SOD2: variants seen among roughly 807,000 people sequenced by gnomAD.
The protein encoded by SOD2 is superoxide dismutase [Mn], mitochondrial.
In SOD2, 11 loss-of-function variants were observed where a neutral mutation model predicts 27.0. The ratio of observed to expected loss-of-function variants is 0.41; its 90% CI spans 0.26 to 0.67. The LOEUF (loss-of-function observed/expected upper bound fraction) is 0.67, where lower values mean the gene tolerates loss of function less well. Among genes scored for constraint, SOD2 ranks in the 30% least tolerant of loss-of-function variants. The pLI is 0.34. For missense variants in SOD2, 250 were observed against 274.5 expected, an observed-to-expected ratio of 0.91 and a Z score of 0.63; for synonymous variants, 105 against 103.0, an observed-to-expected ratio of 1.02 and a Z score of -0.12.
intron 1 of SOD2, among the ~76,000 whole-genome samples, chr6:159,717,262 CTATCTT>C (rs1777937552): frequency 6.6e-6 from 1 of 152,090 alleles, no homozygotes; most frequent in Non-Finnish European, 1.5e-5. Flanking sequence ...AAACCTAACT[CTATCTT>C]TATTTTTTTA....
chr6:159,671,868 T>G lies in SOD2; in HGVS notation c.*10625A>C, dbSNP rs936066572. On this transcript the variant is annotated 3_prime_UTR_variant, in exon 5 of 5. Transcript: ENST00000538183. ...AAAAAAGATTAGACAAATGGCTAAC[T>G]AGAATAACCAGCATAGAGAAGTCCT... The G allele has an allele frequency of 1.3e-5, 2 of 152,198 alleles. No homozygotes were observed. The highest frequency in any genetic ancestry group is 4.8e-5 in the African/African-American group (2 of 41,452). The allele number at this position is 152,198 out of a possible 1,614,324, so 9.4% of individuals were successfully genotyped here.
At chr6:159,710,736 A>ACCT (rs1562436336) in intron 1 of SOD2, among the ~76,000 whole-genome samples, 3 of 150,326 alleles carry the variant, frequency 2.0e-5, no homozygotes, top group Non-Finnish European at 3.0e-5. Flanking sequence ...CACTGCTCTG[A>ACCT]CCACCATAAC....
Position 159,677,125 on chromosome 6 carries a change from T to C in SOD2, c.*5368A>G, listed in dbSNP as rs1779796101. On this transcript the variant is annotated 3_prime_UTR_variant, in exon 5 of 5. Coordinates refer to ENST00000538183, the MANE Select transcript of SOD2 (RefSeq NM_000636.4). ...GACGCACAAATGAACAAGAACCTCA[T>C]GTCCTGGGACTTCATGGAGCACAAA... The C allele has an allele frequency of 1.3e-5, 2 of 152,190 alleles. No individual in the cohort carries two copies. Among genetic ancestry groups the C allele is most frequent in the Non-Finnish European group, 2.9e-5 (2 of 68,030 alleles). The allele number at this position is 152,190 out of a possible 1,614,324, so 9.4% of individuals were successfully genotyped here. A position where few individuals can be genotyped will look rare whatever the true frequency, so the allele number is the denominator to read the frequency against.
At chr6:159,727,281 G>A (rs1343060339) in exon 1 of SOD2, 2 of 1,280,480 alleles carry the variant, frequency 1.6e-6, no homozygotes, top group Non-Finnish European at 1.0e-6. Context: ...CTCTCCTGGC[G>A]GGGTTCGGCG....
At chr6:159,701,155 C>A (rs1777516737) in intron 1 of SOD2, among the ~76,000 whole-genome samples, 1 of 152,138 alleles carries the variant, frequency 6.6e-6, no homozygotes, top group East Asian at 1.9e-4. Flanking sequence ...ATTTGAGAAA[C>A]CATGGTTAGC....
upstream of SOD2, chr6:159,727,649 A>G (rs1304686417): frequency 1.0e-6 from 1 of 985,736 alleles, no homozygotes; most frequent in African/African-American, 1.8e-5. Flanking sequence ...CAGGGCAAGC[A>G]GCGCGGCCTC....
At chr6:159,753,706 A>G (rs1461555226) in intron 1 of SOD2, 7 of 1,443,194 alleles carry the variant, frequency 4.9e-6, no homozygotes, top group African/African-American at 1.4e-5. Flanking sequence ...TAGATTCTGT[A>G]CATTGTTAAC....
chr6:159,757,574 G>A (rs1052987407), intron 1 of SOD2, among the ~76,000 whole-genome samples: 2 of 151,796 alleles, frequency 1.3e-5, no homozygotes, highest in Non-Finnish European at 2.9e-5. Context: ...CACCATGCCC[G>A]GCTTATTTTT....
rs1378740688 is a variant in SOD2, at chr6:159,675,586, C to T, written c.*6907G>A. On this transcript the variant is annotated 3_prime_UTR_variant, in exon 5 of 5. Transcript: ENST00000538183. ...CTGGATCCCTTCCTTACACCTTATACAAAAATTAATTCAAGATGGATTAAA... is the reference window on the plus strand; with the variant it reads ...CTGGATCCCTTCCTTACACCTTATATAAAAATTAATTCAAGATGGATTAAA... 2 of 152,126 alleles carry T rather than the reference C, an allele frequency of 1.3e-5. No individual in the cohort carries two copies. Among genetic ancestry groups the T allele is most frequent in the Non-Finnish European group, 2.9e-5 (2 of 68,026 alleles). The allele number at this position is 152,126 out of a possible 1,614,324, so 9.4% of individuals were successfully genotyped here.
At chr6:159,726,771 G>C in intron 1 of SOD2, 1 of 1,288,964 alleles carries the variant, frequency 7.8e-7, no homozygotes, top group Non-Finnish European at 1.0e-6. Context: ...ATGTCAAGGA[G>C]GAACGAACCC....
rs183695903 is a variant in SOD2 at position 159,669,736 on chromosome 6, C to A, written c.*12757G>T. ...TGACTTTTCTTTTTACAGTTTTTGA[C>A]TTAAAGTCTATTTTATCTCATGTAA... On this transcript the variant is annotated 3_prime_UTR_variant, in exon 5 of 5. Coordinates refer to ENST00000538183, the MANE Select transcript of SOD2 (RefSeq NM_000636.4). The A allele has an allele frequency of 3.9e-5, 6 of 152,282 alleles. No individual in the cohort carries two copies. Among genetic ancestry groups the A allele is most frequent in the Admixed American group, 6.5e-5 (1 of 15,290 alleles). 9.4% of individuals were successfully genotyped at this position (152,282 alleles called of 1,614,324 possible). A position where few individuals can be genotyped will look rare whatever the true frequency, so the allele number is the denominator to read the frequency against.
chr6:159,724,071 C>T (rs1778092524), intron 1 of SOD2, among the ~76,000 whole-genome samples: 1 of 152,280 alleles, frequency 6.6e-6, no homozygotes, highest in Admixed American at 6.5e-5. Flanking sequence ...CTCAATACTA[C>T]AGACTTTTTT....
At position 159,682,635 on chromosome 6, in the gene SOD2, A is replaced by C; in HGVS notation, c.527T>G (p.Leu176Arg). Residue 176 changes from leucine (L) to arginine (R), a missense_variant, in exon 5 of 5, where the codon CTT (leucine) becomes CGT (arginine). Coordinates refer to ENST00000538183, the MANE Select transcript of SOD2 (RefSeq NM_000636.4). The part of the protein sequence containing the change: ...NQDPLQGTTG[L>R]IPLLGIDVWE... ...CACATCAATCCCCAGCAGTGGAATA[A>C]GGCCTGTTAGAAAGAAGGGGAAAAC... is the stretch of plus-strand genomic sequence containing the variant. 1 of 1,605,262 alleles carries C rather than the reference A, an allele frequency of 6.2e-7. No homozygotes were observed. Among genetic ancestry groups the C allele is most frequent in the Non-Finnish European group, 8.5e-7 (1 of 1,177,248 alleles).
At chr6:159,685,644 G>A (rs1410941195) in intron 3 of SOD2, among the ~76,000 whole-genome samples, 3 of 150,954 alleles carry the variant, frequency 2.0e-5, no homozygotes, top group Non-Finnish European at 2.9e-5. Flanking sequence ...CCCAGGTAGC[G>A]AGCTTAGTAT....
chr6:159,684,443 C>G (rs1334896929), intron 4 of SOD2, among the ~76,000 whole-genome samples: 1 of 151,308 alleles, frequency 6.6e-6, no homozygotes, highest in Non-Finnish European at 1.5e-5. Flanking sequence ...ATGGTGAAAC[C>G]CTGTCTGTAC....
intron 2 of SOD2, 198 bp from the exon 3 acceptor site, chr6:159,688,440 CA>C (rs1319344728): frequency 2.0e-6 from 1 of 510,586 alleles, no homozygotes; most frequent in Non-Finnish European, 3.5e-6. Flanking sequence ...AAGGACCTAG[CA>C]GAGGTGGAAA....
chr6:159,722,134 T>G (rs1163467781), intron 1 of SOD2, among the ~76,000 whole-genome samples: 1 of 150,748 alleles, frequency 6.6e-6, no homozygotes, highest in East Asian at 1.9e-4. Context: ...TCCCAGCGCT[T>G]TGGGAGGTTG....
chr6:159,669,416 C>T lies in SOD2; in HGVS notation c.*13077G>A, dbSNP rs1779609414. 1 of 152,202 alleles carries T rather than the reference C, an allele frequency of 6.6e-6. No individual in the cohort carries two copies. Among genetic ancestry groups the T allele is most frequent in the Admixed American group, 6.5e-5 (1 of 15,284 alleles). 9.4% of individuals were successfully genotyped at this position (152,202 alleles called of 1,614,324 possible). A position where few individuals can be genotyped will look rare whatever the true frequency, so the allele number is the denominator to read the frequency against. On this transcript the variant is annotated 3_prime_UTR_variant, in exon 5 of 5. Transcript: ENST00000538183. ...GCTGAGAGTAGAGTGAAGTCCTCAACTACTATTGTATTAGAGTCTATTTCT... is the reference window on the plus strand; with the variant it reads ...GCTGAGAGTAGAGTGAAGTCCTCAATTACTATTGTATTAGAGTCTATTTCT...
chr6:159,676,041 A>T lies in SOD2; in HGVS notation c.*6452T>A, dbSNP rs1286846655. 6.6e-6 allele frequency: 1 copy of T among 152,198 alleles called. No homozygotes were observed. The highest frequency in any genetic ancestry group is 1.5e-5 in the Non-Finnish European group (1 of 68,028). The allele number at this position is 152,198 out of a possible 1,614,324, so 9.4% of individuals were successfully genotyped here. A position where few individuals can be genotyped will look rare whatever the true frequency, so the allele number is the denominator to read the frequency against. ...TCAGAGAAATGCAAATCAAAACCACAATGAGATACCATCTCACACCAGTTA... is the reference window on the plus strand; with the variant it reads ...TCAGAGAAATGCAAATCAAAACCACTATGAGATACCATCTCACACCAGTTA... On this transcript the variant is annotated 3_prime_UTR_variant, in exon 5 of 5. Transcript: ENST00000538183.
Sources: gnomAD v4.1 joint callset for allele counts (sites outside exome capture counted in the v4.1 genomes callset) on GRCh38, gnomAD v4.1.1 for gene constraint, MANE v1.5 for transcripts, NCBI Gene and HGNC (gene_info 2026-07-23, HGNC 2026-07-21) for gene names.